STAG1: variants seen among roughly 807,000 people sequenced by gnomAD.
STAG1 encodes cohesin subunit SA-1.
Under a neutral mutation model 170.9 loss-of-function variants are expected in STAG1, and 26 were observed. The observed-to-expected ratio is 0.15, with a 90% confidence interval of 0.11 to 0.21. The LOEUF (loss-of-function observed/expected upper bound fraction) is 0.21. Among genes scored for constraint, STAG1 ranks in the 10% least tolerant of loss-of-function variants. The pLI, the probability that STAG1 is intolerant of heterozygous loss-of-function variation, is 1.00. For synonymous variants in STAG1, 514 were observed against 497.7 expected, an observed-to-expected ratio of 1.03 and a Z score of -0.44; for missense variants, 964 against 1,509.5, an observed-to-expected ratio of 0.64 and a Z score of 5.99.
At chr3:136,381,407 C>T (rs1937953288) in intron 22 of STAG1, among the ~76,000 whole-genome samples, 2 of 151,860 alleles carry the variant, frequency 1.3e-5, no homozygotes, top group Admixed American at 1.3e-4. Flanking sequence ...GGTAAGAAAA[C>T]ATTAAAAAAA....
intron 1 of STAG1, among the ~76,000 whole-genome samples, chr3:136,741,945 C>T (rs1934692428): frequency 6.6e-6 from 1 of 152,018 alleles, no homozygotes; most frequent in East Asian, 1.9e-4. Flanking sequence ...AAGATTATTA[C>T]CAGAAACAGA....
At chr3:136,688,595 T>C (rs1034361897) in intron 1 of STAG1, among the ~76,000 whole-genome samples, 2 of 152,148 alleles carry the variant, frequency 1.3e-5, no homozygotes, top group Non-Finnish European at 2.9e-5. Flanking sequence ...CTTTGCCATG[T>C]TGGCCAGGCT....
intron 14 of STAG1, among the ~76,000 whole-genome samples, chr3:136,449,387 CCT>C (rs2088873299): frequency 6.6e-6 from 1 of 151,996 alleles, no homozygotes. Context: ...ATGGTGAAAC[CCT>C]GTCTCTACTA....
chr3:136,743,571 T>C lies in STAG1; in HGVS notation c.-84+8624A>G, dbSNP rs552333289. Reference sequence around the variant, plus strand: ...GAAACAGAAAATTTGAATAGCCCTATATCTAGTATAGAAACTAAATTTGAT... The same window carrying C: ...GAAACAGAAAATTTGAATAGCCCTACATCTAGTATAGAAACTAAATTTGAT... On this transcript the variant is annotated intron_variant, in intron 1 of 33. Coordinates refer to ENST00000383202, the MANE Select transcript of STAG1 (RefSeq NM_005862.3). Among the ~76,000 whole-genome samples, 118 of 152,180 alleles carry C rather than the reference T, an allele frequency of 7.8e-4. 1 individual carries two copies. Among genetic ancestry groups the C allele is most frequent in the African/African-American group, 2.8e-3 (116 of 41,532 alleles).
At chr3:136,642,107 G>A (rs1408027996) in intron 1 of STAG1, among the ~76,000 whole-genome samples, 3 of 151,986 alleles carry the variant, frequency 2.0e-5, no homozygotes, top group Admixed American at 6.6e-5. Flanking sequence ...TGCTATGTAA[G>A]TTCCCCCTCC....
At chr3:136,533,356 A>G (rs1436714099) in intron 6 of STAG1, among the ~76,000 whole-genome samples, 1 of 152,154 alleles carries the variant, frequency 6.6e-6, no homozygotes, top group Non-Finnish European at 1.5e-5. Context: ...AGGTTGGTAA[A>G]ATGACTGTGT....
At chr3:136,369,706 T>C (rs191384750) in intron 23 of STAG1, among the ~76,000 whole-genome samples, 1 of 152,166 alleles carries the variant, frequency 6.6e-6, no homozygotes, top group Non-Finnish European at 1.5e-5. Flanking sequence ...TAGCATAAAA[T>C]TTGAAACTCT....
At chr3:136,515,846 T>G (rs945716762) in intron 7 of STAG1, among the ~76,000 whole-genome samples, 1 of 152,200 alleles carries the variant, frequency 6.6e-6, no homozygotes, top group Non-Finnish European at 1.5e-5. Flanking sequence ...CACCAACTAT[T>G]GGGCATTAAT....
chr3:136,390,141 T>C (rs1418472848), intron 22 of STAG1, among the ~76,000 whole-genome samples: 1 of 152,076 alleles, frequency 6.6e-6, no homozygotes, highest in Non-Finnish European at 1.5e-5. Flanking sequence ...CCTTATGCTA[T>C]TTTTAAAGAG....
At chr3:136,385,832 G>A (rs558581233) in intron 22 of STAG1, among the ~76,000 whole-genome samples, 1 of 152,114 alleles carries the variant, frequency 6.6e-6, no homozygotes, top group African/African-American at 2.4e-5. Context: ...CTCCCAAGGG[G>A]CTGGGAATAT....
chr3:136,738,057 G>C (rs1002181440), intron 1 of STAG1, among the ~76,000 whole-genome samples: 1 of 152,068 alleles, frequency 6.6e-6, no homozygotes, highest in Non-Finnish European at 1.5e-5. Flanking sequence ...GACACAGTGA[G>C]ACTCTGTCTC....
At chr3:136,619,230 T>C (rs1412771872) in intron 3 of STAG1, among the ~76,000 whole-genome samples, 1 of 151,064 alleles carries the variant, frequency 6.6e-6, no homozygotes, top group Non-Finnish European at 1.5e-5. Flanking sequence ...GGGGCAGTGC[T>C]TATTTAACAA....
chr3:136,443,223 T>C (rs1024811482), intron 15 of STAG1, 64 bp downstream of exon 15: 9 of 1,158,810 alleles, frequency 7.8e-6, no homozygotes, highest in South Asian at 1.3e-5. Context: ...GCGATCTATA[T>C]ACAACTGTAT....
intron 1 of STAG1, among the ~76,000 whole-genome samples, chr3:136,726,893 T>C (rs1398413554): frequency 6.6e-6 from 1 of 152,184 alleles, no homozygotes; most frequent in Non-Finnish European, 1.5e-5. Context: ...CTGCATTATG[T>C]TCCCTCTAGT....
intron 1 of STAG1, among the ~76,000 whole-genome samples, chr3:136,645,258 G>A (rs981705397): frequency 6.6e-6 from 1 of 152,156 alleles, no homozygotes; most frequent in Non-Finnish European, 1.5e-5. Flanking sequence ...CAGCTATAAG[G>A]GGTATCTTTA....
chr3:136,650,269 A>G (rs1941171521), intron 1 of STAG1, among the ~76,000 whole-genome samples: 1 of 151,896 alleles, frequency 6.6e-6, no homozygotes, highest in Non-Finnish European at 1.5e-5. Context: ...GACAGGAAAA[A>G]TAATAATAGA....
At chr3:136,603,223 G>A (rs1938759065) in intron 4 of STAG1, among the ~76,000 whole-genome samples, 1 of 151,530 alleles carries the variant, frequency 6.6e-6, no homozygotes, top group Admixed American at 6.6e-5. Context: ...ATAGAGTCTG[G>A]CTCTGTACCC....
At chr3:136,664,942 C>G (rs939931110) in intron 1 of STAG1, among the ~76,000 whole-genome samples, 4 of 152,218 alleles carry the variant, frequency 2.6e-5, no homozygotes, top group Non-Finnish European at 5.9e-5. Context: ...GGCAGAGCTG[C>G]AAGCCCAGAG....
At chr3:136,571,843 C>T (rs932200669) in intron 4 of STAG1, among the ~76,000 whole-genome samples, 9 of 152,050 alleles carry the variant, frequency 5.9e-5, no homozygotes, top group African/African-American at 2.2e-4. Context: ...ACCATGCTAA[C>T]ACACTCTCTC....
Sources: allele counts gnomAD v4.1 joint callset (sites outside exome capture counted in the v4.1 genomes callset), GRCh38; gene constraint gnomAD v4.1.1; transcripts MANE v1.5; gene names NCBI Gene and HGNC (gene_info 2026-07-23, HGNC 2026-07-21).